Variants in PUM2 observed in about 807,000 individuals in gnomAD.
PUM2 encodes pumilio RNA binding family member 2.
PUM2 carries 57 observed loss-of-function variants against 124.5 expected under a neutral mutation model. The ratio of observed to expected loss-of-function variants is 0.46; its 90% CI spans 0.37 to 0.57. The LOEUF (loss-of-function observed/expected upper bound fraction) is 0.57. Among genes scored for constraint, PUM2 ranks in the 20% least tolerant of loss-of-function variants. PUM2 has a pLI of 0.00. For synonymous variants in PUM2, 460 were observed against 446.1 expected (o/e 1.03, Z -0.39); for missense variants, 1,065 against 1,290.6 (o/e 0.83, Z 2.68).
chr2:20,311,811 G>T, intron 4 of PUM2, 148 bp from the exon 5 acceptor site: 1 of 933,946 alleles, frequency 1.1e-6, no homozygotes, highest in Non-Finnish European at 1.5e-6. Context: ...ATTTATCAAA[G>T]GCCAAAAAAT....
intron 1 of PUM2, among the ~76,000 whole-genome samples, chr2:20,335,490 A>C (rs1002268492): frequency 1.3e-5 from 2 of 152,180 alleles, no homozygotes; most frequent in Non-Finnish European, 2.9e-5. Flanking sequence ...ACTCTTGGTA[A>C]TTTCTTATTT....
At position 20,294,534 on chromosome 2, in the gene PUM2, G is replaced by A. The variant is rs770034680; in HGVS notation, c.1010-16C>T. On this transcript the variant is annotated splice_polypyrimidine_tract_variant and intron_variant, in intron 8 of 20. Coordinates refer to ENST00000361078, the MANE Select transcript of PUM2 (RefSeq NM_015317.5). ...ACTGCTGGACCTAAACCCCACACCC[G>A]ACCCCCGAATAAAAAGTTACTAGAT... is the stretch of plus-strand genomic sequence containing the variant. 18 of 1,574,544 alleles carry A rather than the reference G, an allele frequency of 1.1e-5. No individual in the cohort carries two copies. Among genetic ancestry groups the A allele is most frequent in the East Asian group, 4.6e-5 (2 of 43,712 alleles).
At chr2:20,351,671 G>C (rs1689353923), upstream of PUM2, among the ~76,000 whole-genome samples, 1 of 152,232 alleles carries the variant, frequency 6.6e-6, no homozygotes, top group Non-Finnish European at 1.5e-5. Flanking sequence ...ACCGGCTCCA[G>C]GTCACACAGC....
At position 20,266,479 on chromosome 2, in the gene PUM2, ACCC is replaced by A. The variant is rs543443947; in HGVS notation, c.1958-3022_1958-3020del. ...ACAAAACAAAACAACAACAACAACA[ACCC>A]CCCCACCAAAAAAAAAAAAAGAGAA... On this transcript the variant is annotated intron_variant, in intron 13 of 20. Transcript: ENST00000361078. Among the ~76,000 whole-genome samples the A allele has an allele frequency of 3.8e-3, 521 of 136,026 alleles. 2 individuals are homozygous for A. The highest frequency in any genetic ancestry group is 0.014 in the African/African-American group (506 of 35,708). The allele number at this position is 136,026 out of a possible 152,430, so 89.2% of individuals were successfully genotyped here.
chr2:20,312,124 T>A, intron 4 of PUM2, 112 bp downstream of exon 4: 1 of 995,530 alleles, frequency 1.0e-6, no homozygotes, highest in Non-Finnish European at 1.4e-6. Context: ...GTTACAAAAT[T>A]TCTCTTAGCT....
intron 1 of PUM2, among the ~76,000 whole-genome samples, chr2:20,334,194 C>T (rs1685511719): frequency 6.6e-6 from 1 of 152,038 alleles, no homozygotes; most frequent in African/African-American, 2.4e-5. Context: ...CACCTGTAGT[C>T]CCAGCTACTC....
Position 20,326,557 on chromosome 2 carries a change from C to T in PUM2, c.51+753G>A, listed in dbSNP as rs542433926. ...AGAACATGACAAAATACAGATGTCA[C>T]CACAAGAGTTTCCATAATCAAAGTT... On this transcript the variant is annotated intron_variant, in intron 2 of 20. Coordinates refer to ENST00000361078, the MANE Select transcript of PUM2 (RefSeq NM_015317.5). Among the ~76,000 whole-genome samples, 220 of 152,274 alleles carry T rather than the reference C, an allele frequency of 1.4e-3. 1 individual carries two copies. The highest frequency in any genetic ancestry group is 4.8e-3 in the African/African-American group (201 of 41,546).
chr2:20,332,028 T>A (rs1272234714), intron 1 of PUM2: 1 of 152,216 alleles, frequency 6.6e-6, no homozygotes, highest in Non-Finnish European at 1.5e-5. Flanking sequence ...TTTTCATGTA[T>A]CACAAATTAT....
At position 20,253,951 on chromosome 2, in the gene PUM2, C is replaced by T. The variant is rs754080572; in HGVS notation, c.2934G>A (p.Glu978=). ...GAGGACCATCATTCTGGCAGCAAAC[C>T]TCGTCAATCAGTAAAGCTCTCTCAG... ...SRAERALLID[E]VCCQNDGPHS... Residue 978 remains glutamate, a synonymous_variant, in exon 20 of 21, where the codon GAG becomes GAA. Coordinates refer to ENST00000361078, the MANE Select transcript of PUM2 (RefSeq NM_015317.5). 9 of 1,613,956 alleles carry T rather than the reference C, an allele frequency of 5.6e-6. No individual in the cohort carries two copies. Among genetic ancestry groups the T allele is most frequent in the Admixed American group, 1.7e-5 (1 of 59,996 alleles).
intron 1 of PUM2, among the ~76,000 whole-genome samples, chr2:20,343,320 G>A (rs1687592357): frequency 6.6e-6 from 1 of 152,006 alleles, no homozygotes; most frequent in Admixed American, 6.6e-5. Context: ...CTAGAGCGAG[G>A]GAGGTGAAGG....
At chr2:20,278,455 T>C (rs1289743001) in intron 13 of PUM2, 128 bp downstream of exon 13, 4 of 805,928 alleles carry the variant, frequency 5.0e-6, no homozygotes, top group Non-Finnish European at 7.5e-6. Flanking sequence ...AAAAGACTAA[T>C]ATCTAAAAGC....
chr2:20,255,881 A>C (rs1664650605), intron 17 of PUM2, 152 bp downstream of exon 17: 3 of 760,010 alleles, frequency 3.9e-6, no homozygotes, highest in Non-Finnish European at 5.8e-6. Context: ...TGACTATGAA[A>C]GAGGAAGAAA....
At chr2:20,337,894 C>T (rs1293997853) in intron 1 of PUM2, among the ~76,000 whole-genome samples, 2 of 152,122 alleles carry the variant, frequency 1.3e-5, no homozygotes, top group Admixed American at 6.5e-5. Context: ...ACAGATTATA[C>T]CAGGCACATT....
intron 15 of PUM2, among the ~76,000 whole-genome samples, chr2:20,258,808 CA>C (rs1275259991): frequency 6.6e-6 from 1 of 151,622 alleles, no homozygotes; most frequent in Non-Finnish European, 1.5e-5. Flanking sequence ...GCTGGGACTA[CA>C]GGCGCCCGCC....
intron 1 of PUM2, among the ~76,000 whole-genome samples, chr2:20,345,055 A>C (rs1217667693): frequency 6.7e-6 from 1 of 149,190 alleles, no homozygotes; most frequent in East Asian, 2.0e-4. Context: ...CTGTCCCTGC[A>C]GTCTCTACCT....
chr2:20,293,588 TAATCCCAGCTACTTGG>T (rs1190127470), intron 9 of PUM2, among the ~76,000 whole-genome samples: 2 of 152,128 alleles, frequency 1.3e-5, no homozygotes, highest in African/African-American at 4.8e-5. Flanking sequence ...TGCACACCTG[TAATCCCAGCTACTTGG>T]AAGACTGAGG....
At chr2:20,350,496 C>T in intron 1 of PUM2, 101 bp downstream of exon 1, 1 of 985,554 alleles carries the variant, frequency 1.0e-6, no homozygotes, top group Non-Finnish European at 1.2e-6. Flanking sequence ...TCCGCCCTCC[C>T]GCTGGCGATC....
chr2:20,254,108 T>A, intron 19 of PUM2, 94 bp from the exon 20 acceptor site: 1 of 1,084,482 alleles, frequency 9.2e-7, no homozygotes. Context: ...CAATGAACAA[T>A]AAAACAGAAG....
intron 1 of PUM2, chr2:20,331,613 G>T (rs1352325494): frequency 1.1e-5 from 1 of 88,866 alleles, no homozygotes. Flanking sequence ...AGTATCGAAA[G>T]CAGAAAAAAA....
Sources: allele counts gnomAD v4.1 joint callset (sites outside exome capture counted in the v4.1 genomes callset), GRCh38; gene constraint gnomAD v4.1.1; transcripts MANE v1.5; gene names NCBI Gene and HGNC (gene_info 2026-07-23, HGNC 2026-07-21).